ZCCHC7: variants seen among roughly 807,000 people sequenced by gnomAD.
The protein encoded by ZCCHC7 is zinc finger CCHC-type containing 7, also known as zinc finger CCHC domain-containing protein 7.
ZCCHC7 carries 35 observed loss-of-function variants against 52.0 expected under a neutral mutation model. The observed-to-expected ratio is 0.67, with a 90% CI of 0.51 to 0.89. The LOEUF (loss-of-function observed/expected upper bound fraction) is 0.89. ZCCHC7 is among the 40% of genes least tolerant of loss of function. The probability of loss-of-function intolerance (pLI) is 0.00; values close to 1 mark genes in which losing one functional copy is unlikely to be tolerated. For missense variants in ZCCHC7, 574 were observed against 649.1 expected (o/e 0.88, Z 1.26); for synonymous variants, 217 against 221.5 (o/e 0.98, Z 0.18).
chr9:37,336,224 G>T (rs754265128), intron 6 of ZCCHC7, among the ~76,000 whole-genome samples: 1 of 152,166 alleles, frequency 6.6e-6, no homozygotes, highest in Non-Finnish European at 1.5e-5. Context: ...CAGTTCTGCA[G>T]ACTTCCAGCT....
chr9:37,200,796 C>G (rs778946989), intron 2 of ZCCHC7, among the ~76,000 whole-genome samples: 1 of 152,234 alleles, frequency 6.6e-6, no homozygotes, highest in South Asian at 2.1e-4. Flanking sequence ...TTGAAAGGCT[C>G]TCTGCTTAAA....
At chr9:37,185,420 T>C (rs1448874518) in intron 2 of ZCCHC7, among the ~76,000 whole-genome samples, 1 of 152,228 alleles carries the variant, frequency 6.6e-6, no homozygotes, top group Non-Finnish European at 1.5e-5. Context: ...TGCATATAAA[T>C]GTACACTGTT....
intron 2 of ZCCHC7, among the ~76,000 whole-genome samples, chr9:37,180,004 A>G (rs1006179966): frequency 2.6e-5 from 4 of 152,190 alleles, no homozygotes; most frequent in Non-Finnish European, 5.9e-5. Context: ...GATTGTATGT[A>G]TAGGCCATAA....
chr9:37,178,289 A>G (rs1822154895), intron 2 of ZCCHC7, among the ~76,000 whole-genome samples: 1 of 152,088 alleles, frequency 6.6e-6, no homozygotes, highest in South Asian at 2.1e-4. Context: ...TGTTAAGAAT[A>G]CAACAGTAAC....
rs1822305233 is a variant in ZCCHC7, at chr9:37,180,689, T to C, written c.610+53747T>C. ...GTTACTGAATTGATAAATTGCAAAC[T>C]CTTATTTTAGTTGTAATGGGTTTTG... On this transcript the variant is annotated intron_variant, in intron 2 of 8. Transcript: ENST00000336755. Among the ~76,000 whole-genome samples the C allele has an allele frequency of 9.9e-5, 15 of 152,282 alleles. No individual in the cohort carries two copies. In the South Asian group the frequency reaches 3.1e-3, roughly 32 times the overall value.
chr9:37,200,589 G>C (rs1823580723), intron 2 of ZCCHC7, among the ~76,000 whole-genome samples: 1 of 152,166 alleles, frequency 6.6e-6, no homozygotes, highest in Non-Finnish European at 1.5e-5. Flanking sequence ...TGCAACTGTT[G>C]AGTCCTGCAA....
intron 2 of ZCCHC7, among the ~76,000 whole-genome samples, chr9:37,134,789 A>G (rs913322131): frequency 5.3e-5 from 8 of 152,156 alleles, no homozygotes; most frequent in African/African-American, 1.9e-4. Context: ...GCAACAGTGC[A>G]GTCTCAGCTC....
intron 2 of ZCCHC7, among the ~76,000 whole-genome samples, chr9:37,243,944 C>T (rs530169432): frequency 4.0e-5 from 6 of 151,824 alleles, no homozygotes; most frequent in East Asian, 1.9e-4. Flanking sequence ...AGGATATGAC[C>T]GTAGAGTTTG....
chr9:37,233,916 C>T (rs149711010), intron 2 of ZCCHC7, among the ~76,000 whole-genome samples: 1,636 of 152,256 alleles, frequency 0.011, 27 homozygotes, highest in African/African-American at 0.036. Context: ...TGCAGTGGCA[C>T]GATCTCGGCT....
rs893595252 is a variant in ZCCHC7 at position 37,126,440 on chromosome 9, T to C, written c.108T>C (p.Tyr36=). The change falls in exon 2 of 9, where the codon TAT becomes TAC. Residue 36 remains tyrosine (Y), a synonymous_variant. Transcript: ENST00000336755. Reference sequence around the variant, plus strand: ...ATAGTGAGGTGGAATTTCAACTCTATAGCCAAATTCATTATGCCCAAGATC... The same window carrying C: ...ATAGTGAGGTGGAATTTCAACTCTACAGCCAAATTCATTATGCCCAAGATC... The part of the protein sequence containing the change: ...SVDSEVEFQL[Y]SQIHYAQDLD... The C allele has an allele frequency of 6.2e-7, 1 of 1,613,912 alleles. No homozygotes were observed.
At position 37,173,364 on chromosome 9, in the gene ZCCHC7, A is replaced by G. The variant is rs185281260; in HGVS notation, c.610+46422A>G. Among the ~76,000 whole-genome samples the G allele has an allele frequency of 1.2e-4, 19 of 152,374 alleles. No homozygotes were observed. The East Asian group carries it at 2.5e-3, about 20-fold the overall frequency. On this transcript the variant is annotated intron_variant, in intron 2 of 8. Coordinates refer to ENST00000336755, the MANE Select transcript of ZCCHC7 (RefSeq NM_032226.3). ...AGAAAATGTACTTGCAGACTACTGT[A>G]GTTAACTGTTCATATAGCATTTTAT...
intron 2 of ZCCHC7, among the ~76,000 whole-genome samples, chr9:37,134,023 T>A (rs1290095525): frequency 2.0e-5 from 3 of 152,140 alleles, no homozygotes; most frequent in African/African-American, 7.2e-5. Context: ...CGTGCCCGAC[T>A]GAAACGTACT....
intron 6 of ZCCHC7, 125 bp downstream of exon 6, chr9:37,327,959 G>A (rs1830317435): frequency 9.9e-7 from 1 of 1,013,236 alleles, no homozygotes; most frequent in Non-Finnish European, 1.5e-6. Context: ...AAGAGTTTTT[G>A]TACGGAGAAA....
At chr9:37,201,162 C>T (rs1823611000) in intron 2 of ZCCHC7, among the ~76,000 whole-genome samples, 1 of 152,146 alleles carries the variant, frequency 6.6e-6, no homozygotes, top group African/African-American at 2.4e-5. Flanking sequence ...AAAAAACGAT[C>T]CAGAGAGATT....
chr9:37,165,902 C>T (rs1821392242), intron 2 of ZCCHC7, among the ~76,000 whole-genome samples: 1 of 152,176 alleles, frequency 6.6e-6, no homozygotes, highest in Admixed American at 6.5e-5. Flanking sequence ...CAACTGAGAA[C>T]AATGTTAACA....
At chr9:37,227,645 A>C (rs1056169913) in intron 2 of ZCCHC7, among the ~76,000 whole-genome samples, 1 of 152,196 alleles carries the variant, frequency 6.6e-6, no homozygotes, top group Non-Finnish European at 1.5e-5. Flanking sequence ...GTATATTCCT[A>C]CTAGCTGTAT....
At chr9:37,317,504 G>A (rs1026972781) in intron 5 of ZCCHC7, among the ~76,000 whole-genome samples, 1 of 152,150 alleles carries the variant, frequency 6.6e-6, no homozygotes, top group Non-Finnish European at 1.5e-5. Flanking sequence ...TTGAGGTCAG[G>A]AGTTCAAGAC....
chr9:37,153,566 G>C (rs185275774), intron 2 of ZCCHC7, among the ~76,000 whole-genome samples: 1 of 151,556 alleles, frequency 6.6e-6, no homozygotes, highest in Non-Finnish European at 1.5e-5. Context: ...CTCCTGCCTC[G>C]GCCTCCCAAA....
chr9:37,341,565 C>G (rs980870727), intron 6 of ZCCHC7, among the ~76,000 whole-genome samples: 2 of 152,002 alleles, frequency 1.3e-5, no homozygotes, highest in African/African-American at 4.8e-5. Context: ...AGGTAGTAAA[C>G]TATATAGTAT....
Sources: allele counts gnomAD v4.1 joint callset (sites outside exome capture counted in the v4.1 genomes callset), GRCh38; gene constraint gnomAD v4.1.1; transcripts MANE v1.5; gene names NCBI Gene and HGNC (gene_info 2026-07-23, HGNC 2026-07-21).